Variants in DIPK1A observed in about 807,000 individuals in gnomAD.
DIPK1A encodes divergent protein kinase domain 1A, also known as family with sequence similarity 69 member A.
Under a neutral mutation model 40.8 loss-of-function variants are expected in DIPK1A, and 27 were observed. The ratio of observed to expected loss-of-function variants is 0.66; its 90% CI spans 0.49 to 0.91. The LOEUF (loss-of-function observed/expected upper bound fraction) is 0.91, where lower values mean the gene tolerates loss of function less well. Ranked by LOEUF, DIPK1A falls within the 40% of genes least tolerant of loss-of-function variation. The pLI, the probability that DIPK1A is intolerant of heterozygous loss-of-function variation, is 0.00. For missense variants in DIPK1A, 412 were observed against 505.7 expected, an observed-to-expected ratio of 0.81 and a Z score of 1.78; for synonymous variants, 166 against 171.3, an observed-to-expected ratio of 0.97 and a Z score of 0.24.
intron 1 of DIPK1A, among the ~76,000 whole-genome samples, chr1:92,929,854 C>T (rs1002689652): frequency 6.6e-6 from 1 of 152,188 alleles, no homozygotes; most frequent in Non-Finnish European, 1.5e-5. Flanking sequence ...TTCATCCTGG[C>T]TGACTTTCCA....
At chr1:92,879,133 T>C (rs1648262760) in intron 1 of DIPK1A, among the ~76,000 whole-genome samples, 1 of 152,128 alleles carries the variant, frequency 6.6e-6, no homozygotes, top group African/African-American at 2.4e-5. Context: ...TGAGCCAAGA[T>C]CGCACCACTG....
chr1:92,865,252 A>G (rs1571070143), intron 2 of DIPK1A, among the ~76,000 whole-genome samples: 1 of 152,054 alleles, frequency 6.6e-6, no homozygotes, highest in South Asian at 2.1e-4. Context: ...AGTCTCAGCT[A>G]CTTGAGAGGC....
intron 1 of DIPK1A, among the ~76,000 whole-genome samples, chr1:92,918,325 T>C (rs1571122865): frequency 6.6e-6 from 1 of 152,126 alleles, no homozygotes; most frequent in Non-Finnish European, 1.5e-5. Context: ...AAGTTTTGTA[T>C]TTCTGTAGAG....
At chr1:92,925,534 C>T (rs565543521) in intron 1 of DIPK1A, among the ~76,000 whole-genome samples, 10 of 152,050 alleles carry the variant, frequency 6.6e-5, no homozygotes, top group Non-Finnish European at 1.3e-4. Flanking sequence ...CGCGCTGCAA[C>T]CCAGGATGGA....
chr1:92,938,663 G>A (rs1398595149), intron 1 of DIPK1A, among the ~76,000 whole-genome samples: 1 of 151,928 alleles, frequency 6.6e-6, no homozygotes, highest in East Asian at 1.9e-4. Flanking sequence ...ATAATTTTTG[G>A]ATATATCATT....
Position 92,843,698 on chromosome 1 carries a change from T to A in DIPK1A, c.972A>T (p.Glu324Asp), listed in dbSNP as rs181593486. Residue 324 changes from glutamate to aspartate, a missense_variant, in exon 5 of 5, where the codon GAA (glutamate) becomes GAT (aspartate). Transcript: ENST00000370310. ...RKIVPETNLK[E>D]LIKDRHCESD... ...ACTCACAGTGACGATCCTTAATAAG[T>A]TCTTTCAGGTTTGTCTCTGGCACAA... 4 of 1,551,716 alleles carry A rather than the reference T, an allele frequency of 2.6e-6. No individual in the cohort carries two copies. In the African/African-American group the frequency reaches 5.5e-5, roughly 21 times the overall value.
intron 1 of DIPK1A, 37 bp from the exon 2 acceptor site, chr1:92,876,467 G>A: frequency 6.2e-7 from 1 of 1,607,378 alleles, no homozygotes; most frequent in South Asian, 1.1e-5. Flanking sequence ...CATTCATTCA[G>A]CACCAAATCA....
chr1:92,953,269 C>A (rs949646868), intron 1 of DIPK1A, among the ~76,000 whole-genome samples: 2 of 146,810 alleles, frequency 1.4e-5, no homozygotes, highest in African/African-American at 5.0e-5. Flanking sequence ...GAAGTGCAGA[C>A]GGGGATGTGG....
intron 1 of DIPK1A, among the ~76,000 whole-genome samples, chr1:92,883,556 G>T (rs922443979): frequency 6.6e-6 from 1 of 152,198 alleles, no homozygotes; most frequent in African/African-American, 2.4e-5. Context: ...GACTATGTGG[G>T]TTGGATGGGC....
At chr1:92,904,524 A>C (rs1649531377) in intron 1 of DIPK1A, among the ~76,000 whole-genome samples, 1 of 152,078 alleles carries the variant, frequency 6.6e-6, no homozygotes, top group Non-Finnish European at 1.5e-5. Flanking sequence ...TTAATTTTTT[A>C]ATTTTTGTCG....
chr1:92,874,401 T>C (rs1261503998), intron 2 of DIPK1A, among the ~76,000 whole-genome samples: 3 of 152,208 alleles, frequency 2.0e-5, no homozygotes, highest in Non-Finnish European at 4.4e-5. Flanking sequence ...TGATCAAGTA[T>C]ATTTGCTGTC....
Position 92,950,583 on chromosome 1 carries a change from T to C in DIPK1A, c.54+10793A>G, listed in dbSNP as rs561610085. Among the ~76,000 whole-genome samples the C allele has an allele frequency of 2.0e-4, 31 of 152,256 alleles. 1 individual carries two copies. Among genetic ancestry groups the C allele is most frequent in the African/African-American group, 7.5e-4 (31 of 41,552 alleles). ...TACAGTAACAGCAGAAGAATGAAGA[T>C]GAGATGATGCATTCAAAAGTTATTT... On this transcript the variant is annotated intron_variant, in intron 1 of 4. Transcript: ENST00000370310.
At chr1:92,878,817 T>G (rs190770448) in intron 1 of DIPK1A, among the ~76,000 whole-genome samples, 286 of 140,512 alleles carry the variant, frequency 2.0e-3, no homozygotes, top group Non-Finnish European at 3.3e-3. Context: ...AGACTCTGTC[T>G]CAAAAACAAA....
intron 1 of DIPK1A, among the ~76,000 whole-genome samples, chr1:92,935,195 C>T (rs1650900753): frequency 6.6e-6 from 1 of 152,182 alleles, no homozygotes; most frequent in Non-Finnish European, 1.5e-5. Context: ...TTCCACCTCT[C>T]TATTGAGCAA....
intron 1 of DIPK1A, among the ~76,000 whole-genome samples, chr1:92,886,571 A>AT (rs928972759): frequency 1.3e-5 from 2 of 152,018 alleles, no homozygotes; most frequent in African/African-American, 4.8e-5. Context: ...CAGGTGTGCC[A>AT]TAACTTATCT....
At chr1:92,907,375 C>G (rs1369154839) in intron 1 of DIPK1A, among the ~76,000 whole-genome samples, 1 of 151,950 alleles carries the variant, frequency 6.6e-6, no homozygotes, top group Admixed American at 6.6e-5. Flanking sequence ...GAGTGACTGA[C>G]TGGGAAGGGT....
intron 4 of DIPK1A, among the ~76,000 whole-genome samples, chr1:92,844,945 T>C (rs994461652): frequency 7.4e-6 from 1 of 135,668 alleles, no homozygotes; most frequent in African/African-American, 2.7e-5. Context: ...TATTTCTTTT[T>C]TTTTTTTTTT....
At position 92,847,284 on chromosome 1, in the gene DIPK1A, C is replaced by A; in HGVS notation, c.373G>T (p.Gly125Ter). Reference sequence around the variant, plus strand: ...TCTTTTCTTGGTTCCAATTCAGTTCCAAAATCAAGATGAAGCGCTTGTTCC... The same window carrying A: ...TCTTTTCTTGGTTCCAATTCAGTTCAAAAATCAAGATGAAGCGCTTGTTCC... ...QMEQALHLDF[G>*]TELEPRKEIV... The change falls in exon 4 of 5, where the codon GGA becomes TGA. Residue 125 changes from glycine (G) to a stop codon, truncating the protein, a stop_gained. Coordinates refer to ENST00000370310, the MANE Select transcript of DIPK1A (RefSeq NM_001006605.5). LOFTEE classifies it high-confidence loss of function. 6.2e-7 allele frequency: 1 copy of A among 1,612,184 alleles called. No homozygotes were observed. The highest frequency in any genetic ancestry group is 1.1e-5 in the South Asian group (1 of 90,842).
Position 92,846,840 on chromosome 1 carries a change from T to C in DIPK1A, c.474+343A>G, listed in dbSNP as rs1474412478. ...ATATATATATATATATATATATATA[T>C]ATGTGTGTATATATATATGTGTGTA... On this transcript the variant is annotated intron_variant, in intron 4 of 4. Coordinates refer to ENST00000370310, the MANE Select transcript of DIPK1A (RefSeq NM_001006605.5). Among the ~76,000 whole-genome samples, 5 of 4,150 alleles carry C rather than the reference T, an allele frequency of 1.2e-3. No individual in the cohort carries two copies. The African/African-American group carries it at 0.014, about 12-fold the overall frequency. 2.7% of individuals were successfully genotyped at this position (4,150 alleles called of 152,430 possible). A position where few individuals can be genotyped will look rare whatever the true frequency, so the allele number is the denominator to read the frequency against.
Sources: allele counts gnomAD v4.1 joint callset (sites outside exome capture counted in the v4.1 genomes callset), GRCh38; gene constraint gnomAD v4.1.1; transcripts MANE v1.5; gene names NCBI Gene and HGNC (gene_info 2026-07-23, HGNC 2026-07-21).